Variants in GRIK1 observed in about 807,000 individuals in gnomAD.
GRIK1 encodes the protein glutamate receptor ionotropic, kainate 1.
Under a neutral mutation model 105.7 loss-of-function variants are expected in GRIK1, and 69 were observed. The ratio of observed to expected loss-of-function variants is 0.65; its 90% confidence interval spans 0.54 to 0.80. The LOEUF is 0.80. GRIK1 is among the 30% of genes least tolerant of loss of function. The pLI, the probability that GRIK1 is intolerant of heterozygous loss-of-function variation, is 0.00. For missense variants in GRIK1, 1,109 were observed against 1,167.3 expected (o/e 0.95, Z 0.73); for synonymous variants, 438 against 431.3 (o/e 1.02, Z -0.19).
intron 1 of GRIK1, among the ~76,000 whole-genome samples, chr21:29,870,117 T>C (rs952101078): frequency 2.6e-5 from 4 of 152,206 alleles, no homozygotes; most frequent in Admixed American, 6.5e-5. Flanking sequence ...CAAATGCAAT[T>C]GAGCATTGTG....
chr21:29,647,148 G>C (rs1245245095), intron 6 of GRIK1, among the ~76,000 whole-genome samples: 1 of 152,108 alleles, frequency 6.6e-6, no homozygotes, highest in Non-Finnish European at 1.5e-5. Flanking sequence ...CCAGCCTCTT[G>C]TTCTTTTATT....
In GRIK1 at chr21:29,537,797, CCTT is replaced by C. The variant is rs1468198508; in HGVS notation, c.2692_2694del (p.Lys898del). 2.2e-5 allele frequency: 32 copies of C among 1,440,080 alleles called. No individual in the cohort carries two copies. The highest frequency in any genetic ancestry group is 3.1e-5 in the Non-Finnish European group (32 of 1,022,782). The allele number at this position is 1,440,080 out of a possible 1,614,324, so 89.2% of individuals were successfully genotyped here. ...AGTAATGCTATAGAAAATGAACAAACCTTCTCTACACCAAGGCTTTGTTTTTTT... is the reference window on the plus strand; with the variant it reads ...AGTAATGCTATAGAAAATGAACAAACCTCTACACCAAGGCTTTGTTTTTTT... On this transcript the variant is annotated inframe_deletion and splice_region_variant, in exon 17 of 18. Transcript: ENST00000327783.
intron 1 of GRIK1, among the ~76,000 whole-genome samples, chr21:29,831,192 T>A (rs1458204120): frequency 6.6e-6 from 1 of 152,160 alleles, no homozygotes; most frequent in Non-Finnish European, 1.5e-5. Flanking sequence ...CCTTCATAAA[T>A]AAGGAGTGAG....
chr21:29,857,757 A>G (rs114633672), intron 1 of GRIK1, among the ~76,000 whole-genome samples: 2,215 of 152,278 alleles, frequency 0.015, 58 homozygotes, highest in African/African-American at 0.05. Context: ...ATATATTTAC[A>G]TTGTTTTTCT....
At position 29,593,336 on chromosome 21, in the gene GRIK1, TA is replaced by T. The variant is rs748701804; in HGVS notation, c.1252-2112del. ...AGGATCTAGTGTGATAAATATCACC[TA>T]GAATGCACATTATACGTCTAATGGT... On this transcript the variant is annotated intron_variant, in intron 9 of 17. Coordinates refer to ENST00000327783, the MANE Select transcript of GRIK1 (RefSeq NM_001330994.2). Among the ~76,000 whole-genome samples, 49 of 152,352 alleles carry T rather than the reference TA, an allele frequency of 3.2e-4. 1 individual carries two copies. Among genetic ancestry groups the T allele is most frequent in the Admixed American group, 1.3e-3 (20 of 15,308 alleles).
chr21:29,637,203 C>T (rs964973981), intron 7 of GRIK1, among the ~76,000 whole-genome samples: 10 of 152,294 alleles, frequency 6.6e-5, no homozygotes, highest in Admixed American at 3.9e-4. Flanking sequence ...ACTGATGTAA[C>T]GTAAGATCTC....
chr21:29,744,305 T>C (rs528890392), intron 1 of GRIK1, among the ~76,000 whole-genome samples: 1 of 152,290 alleles, frequency 6.6e-6, no homozygotes, highest in Non-Finnish European at 1.5e-5. Flanking sequence ...TCTGACTCCT[T>C]TTCCCACTTT....
intron 1 of GRIK1, among the ~76,000 whole-genome samples, chr21:29,699,975 G>A (rs948759093): frequency 1.3e-5 from 2 of 152,072 alleles, no homozygotes; most frequent in Admixed American, 6.6e-5. Context: ...TCTCCCAAGG[G>A]CTTTGAAATT....
intron 1 of GRIK1, chr21:29,861,632 C>T (rs2068642803): frequency 4.5e-6 from 2 of 440,896 alleles, no homozygotes; most frequent in Non-Finnish European, 9.0e-6. Context: ...CAAACTCATT[C>T]CCTTCTTTTC....
chr21:29,648,887 A>G (rs969122929), intron 6 of GRIK1, among the ~76,000 whole-genome samples: 1 of 152,164 alleles, frequency 6.6e-6, no homozygotes, highest in Non-Finnish European at 1.5e-5. Flanking sequence ...GAATGAATGA[A>G]GGGCAGGGTC....
intron 1 of GRIK1, among the ~76,000 whole-genome samples, chr21:29,856,589 A>G (rs2068471507): frequency 6.6e-6 from 1 of 152,198 alleles, no homozygotes; most frequent in Non-Finnish European, 1.5e-5. Flanking sequence ...CCACCTAAGT[A>G]CCAGACACTG....
intron 1 of GRIK1, among the ~76,000 whole-genome samples, chr21:29,814,777 C>T (rs2067109272): frequency 6.6e-6 from 1 of 152,038 alleles, no homozygotes. Flanking sequence ...TACAGGTATG[C>T]ATTAGGGTGT....
chr21:29,637,508 A>C (rs1332086783), intron 7 of GRIK1, among the ~76,000 whole-genome samples: 1 of 152,182 alleles, frequency 6.6e-6, no homozygotes, highest in Non-Finnish European at 1.5e-5. Context: ...TCTAACCCTC[A>C]AGACAATGGT....
chr21:29,714,960 G>T (rs910447190), intron 1 of GRIK1, among the ~76,000 whole-genome samples: 4 of 152,160 alleles, frequency 2.6e-5, no homozygotes, highest in African/African-American at 9.7e-5. Context: ...ATGGAATTTA[G>T]TTGATAGTTC....
chr21:29,879,716 G>C (rs2069329049), intron 1 of GRIK1, among the ~76,000 whole-genome samples: 1 of 152,014 alleles, frequency 6.6e-6, no homozygotes, highest in Non-Finnish European at 1.5e-5. Context: ...GACATTTTAG[G>C]AAAAACGGTA....
intron 7 of GRIK1, among the ~76,000 whole-genome samples, chr21:29,609,172 T>C (rs1021712001): frequency 6.6e-6 from 1 of 151,086 alleles, no homozygotes; most frequent in African/African-American, 2.4e-5. Context: ...TAATAAGATA[T>C]AGCTTTACAT....
intron 1 of GRIK1, among the ~76,000 whole-genome samples, chr21:29,794,842 G>A (rs1024854732): frequency 2.0e-5 from 3 of 151,876 alleles, no homozygotes; most frequent in African/African-American, 4.8e-5. Context: ...AGTGAAAGAG[G>A]CTTCCTCTTC....
At chr21:29,909,732 C>G (rs948646215) in intron 1 of GRIK1, among the ~76,000 whole-genome samples, 1 of 152,114 alleles carries the variant, frequency 6.6e-6, no homozygotes, top group Non-Finnish European at 1.5e-5. Context: ...GCAAGGTGCT[C>G]AAGAAATCAC....
intron 1 of GRIK1, among the ~76,000 whole-genome samples, chr21:29,921,526 T>A (rs1486507144): frequency 4.6e-5 from 7 of 152,216 alleles, no homozygotes; most frequent in Non-Finnish European, 2.9e-5. Context: ...ACCAGACTTA[T>A]AACATCTAGA....
Sources: gnomAD v4.1 joint callset for allele counts (sites outside exome capture counted in the v4.1 genomes callset) on GRCh38, gnomAD v4.1.1 for gene constraint, MANE v1.5 for transcripts, NCBI Gene and HGNC (gene_info 2026-07-23, HGNC 2026-07-21) for gene names.